ZNF438: variants seen among roughly 807,000 people sequenced by gnomAD.
ZNF438 encodes the protein zinc finger protein 438.
ZNF438 carries 25 observed loss-of-function variants against 38.0 expected under a neutral mutation model. The ratio of observed to expected loss-of-function variants is 0.66; its 90% confidence interval spans 0.48 to 0.92. ZNF438 has a LOEUF of 0.92. Among genes scored for constraint, ZNF438 ranks in the 40% least tolerant of loss-of-function variants. ZNF438 has a pLI of 0.00. For missense variants in ZNF438, 1,007 were observed against 999.6 expected (o/e 1.01, Z -0.10); for synonymous variants, 372 against 364.1 (o/e 1.02, Z -0.25).
intron 3 of ZNF438, among the ~76,000 whole-genome samples, chr10:30,905,516 T>C (rs2042491084): frequency 6.6e-6 from 1 of 152,246 alleles, no homozygotes; most frequent in Non-Finnish European, 1.5e-5. Context: ...CTTTATCAGA[T>C]ATAAGATTTG....
At chr10:31,018,332 C>T (rs186269512) in intron 1 of ZNF438, among the ~76,000 whole-genome samples, 7 of 152,294 alleles carry the variant, frequency 4.6e-5, no homozygotes, top group Admixed American at 2.6e-4. Flanking sequence ...ACTGGCTAAT[C>T]GTTCTCTTAT....
intron 2 of ZNF438, among the ~76,000 whole-genome samples, chr10:30,926,117 C>T (rs939919570): frequency 6.6e-6 from 1 of 152,134 alleles, no homozygotes; most frequent in Admixed American, 6.5e-5. Flanking sequence ...AAAGTGGTTG[C>T]CTCCAGAGGT....
At chr10:30,927,554 T>C (rs1463879689) in intron 2 of ZNF438, among the ~76,000 whole-genome samples, 1 of 152,268 alleles carries the variant, frequency 6.6e-6, no homozygotes, top group Non-Finnish European at 1.5e-5. Flanking sequence ...ATGATTTTTG[T>C]CACTGTCAGT....
At chr10:30,874,125 T>C (rs1226631355) in intron 4 of ZNF438, among the ~76,000 whole-genome samples, 3 of 11,784 alleles carry the variant, frequency 2.5e-4, no homozygotes, top group African/African-American at 1.2e-3. Flanking sequence ...TATATATATA[T>C]ATATATATAT....
chr10:30,991,796 G>C (rs1387858551), intron 1 of ZNF438, among the ~76,000 whole-genome samples: 1 of 152,216 alleles, frequency 6.6e-6, no homozygotes, highest in Admixed American at 6.5e-5. Flanking sequence ...CTGTGCCCAA[G>C]TGGGAGGCTG....
At chr10:30,847,813 G>A (rs1309140966) in intron 5 of ZNF438, among the ~76,000 whole-genome samples, 10 of 152,228 alleles carry the variant, frequency 6.6e-5, no homozygotes, top group South Asian at 2.1e-4. Context: ...AGCAGCCGGC[G>A]TGCCTGCCTA....
intron 1 of ZNF438, among the ~76,000 whole-genome samples, chr10:31,022,701 C>T (rs2056684276): frequency 6.6e-6 from 1 of 152,150 alleles, no homozygotes; most frequent in African/African-American, 2.4e-5. Flanking sequence ...ATGACAATGC[C>T]CAACCGCACG....
intron 1 of ZNF438, among the ~76,000 whole-genome samples, chr10:30,985,029 T>G (rs927306885): frequency 6.6e-6 from 1 of 152,214 alleles, no homozygotes; most frequent in South Asian, 2.1e-4. Flanking sequence ...CATTGAGCCA[T>G]GTGTGAGATG....
At chr10:30,897,104 T>G (rs896205263) in intron 3 of ZNF438, among the ~76,000 whole-genome samples, 1 of 152,222 alleles carries the variant, frequency 6.6e-6, no homozygotes, top group East Asian at 1.9e-4. Flanking sequence ...GACATATTCT[T>G]TTTGAATTGT....
chr10:30,942,036 C>G (rs370085738), intron 1 of ZNF438, among the ~76,000 whole-genome samples: 1 of 152,146 alleles, frequency 6.6e-6, no homozygotes, highest in Non-Finnish European at 1.5e-5. Context: ...TTAAGAAATA[C>G]AAACCACAAT....
chr10:30,990,456 C>A (rs1201700697), intron 1 of ZNF438, among the ~76,000 whole-genome samples: 4 of 152,118 alleles, frequency 2.6e-5, no homozygotes, highest in Admixed American at 2.6e-4. Flanking sequence ...CAGATACTTG[C>A]CAGAAATACA....
chr10:30,861,708 T>C (rs568086573), intron 4 of ZNF438, among the ~76,000 whole-genome samples: 1 of 152,348 alleles, frequency 6.6e-6, no homozygotes, highest in East Asian at 1.9e-4. Context: ...AAGGAATTGT[T>C]TTTGATTTGG....
At chr10:30,855,050 C>G (rs2034377744) in intron 4 of ZNF438, among the ~76,000 whole-genome samples, 1 of 152,124 alleles carries the variant, frequency 6.6e-6, no homozygotes, top group Non-Finnish European at 1.5e-5. Context: ...CTTCATAGAG[C>G]CATACCAAAA....
intron 1 of ZNF438, among the ~76,000 whole-genome samples, chr10:31,001,667 T>C (rs1306365566): frequency 2.0e-5 from 3 of 152,260 alleles, no homozygotes; most frequent in Admixed American, 6.5e-5. Context: ...CATATCATTC[T>C]GTATTTGGTT....
intron 1 of ZNF438, among the ~76,000 whole-genome samples, chr10:30,950,601 C>T (rs371966286): frequency 1.3e-5 from 2 of 151,090 alleles, no homozygotes; most frequent in African/African-American, 2.4e-5. Flanking sequence ...AAACTACCAT[C>T]AGAGAATACT....
At chr10:31,017,031 CAA>C (rs1285393161) in intron 1 of ZNF438, among the ~76,000 whole-genome samples, 4 of 152,224 alleles carry the variant, frequency 2.6e-5, no homozygotes, top group African/African-American at 7.2e-5. Flanking sequence ...CGCAAACTAA[CAA>C]AAGAGTATAA....
chr10:30,978,468 T>C (rs925678950), intron 1 of ZNF438, among the ~76,000 whole-genome samples: 1 of 152,196 alleles, frequency 6.6e-6, no homozygotes, highest in African/African-American at 2.4e-5. Flanking sequence ...ACTGAGATAA[T>C]AGTTTACATA....
At chr10:30,917,811 T>C (rs1200568872) in intron 2 of ZNF438, among the ~76,000 whole-genome samples, 2 of 152,186 alleles carry the variant, frequency 1.3e-5, no homozygotes. Flanking sequence ...GTTTTTTCAA[T>C]GAAGTCTATT....
chr10:31,000,498 T>A (rs965169503), intron 1 of ZNF438, among the ~76,000 whole-genome samples: 1 of 152,224 alleles, frequency 6.6e-6, no homozygotes, highest in Non-Finnish European at 1.5e-5. Flanking sequence ...CAAGTCTACA[T>A]AGGCAAATAT....
Sources: gnomAD v4.1 joint callset for allele counts (sites outside exome capture counted in the v4.1 genomes callset) on GRCh38, gnomAD v4.1.1 for gene constraint, MANE v1.5 for transcripts, NCBI Gene and HGNC (gene_info 2026-07-23, HGNC 2026-07-21) for gene names.